The following TRIM25 variants were observed in gnomAD, a reference collection of about 807,000 sequenced individuals.
TRIM25 encodes E3 ubiquitin/ISG15 ligase TRIM25.
A neutral mutation model predicts 65.2 loss-of-function variants in TRIM25; 45 were observed. That is an observed-to-expected ratio of 0.69 (90% CI 0.54 to 0.89). The LOEUF (loss-of-function observed/expected upper bound fraction) is 0.89. Ranked by LOEUF, TRIM25 falls within the 40% of genes least tolerant of loss-of-function variation. The probability of loss-of-function intolerance (pLI) is 0.00; values close to 1 mark genes in which losing one functional copy is unlikely to be tolerated. For missense variants in TRIM25, 714 were observed against 803.7 expected, an observed-to-expected ratio of 0.89 and a Z score of 1.35; for synonymous variants, 321 against 340.4, an observed-to-expected ratio of 0.94 and a Z score of 0.63.
rs150493607 is a variant in TRIM25, at chr17:56,891,955, G to A, written c.1638C>T (p.Ser546=). ...QGPESRLGRN[S]ASWCVEWFNT... ...TGAACCACTCCACGCACCAGGAGGC[G>A]CTGTTGCGGCCGAGCCTGCTTTCTG... Residue 546 remains serine, a synonymous_variant, in exon 9 of 9, where the codon AGC becomes AGT. Coordinates refer to ENST00000316881, the MANE Select transcript of TRIM25 (RefSeq NM_005082.5). 88 of 1,614,202 alleles carry A rather than the reference G, an allele frequency of 5.5e-5. No homozygotes were observed. In the African/African-American group the frequency reaches 9.5e-4, roughly 17 times the overall value.
In TRIM25 at chr17:56,888,775, G is replaced by C. The variant is rs867117253; in HGVS notation, c.*2925C>G. ...GCAGGACTAAGTGTGCTGGCTATAG[G>C]TCTGCAGAAATCTCAACCCTTGGGA... On this transcript the variant is annotated 3_prime_UTR_variant, in exon 9 of 9. Transcript: ENST00000316881. 2 of 152,188 alleles carry C rather than the reference G, an allele frequency of 1.3e-5. No homozygotes were observed. The highest frequency in any genetic ancestry group is 2.9e-5 in the Non-Finnish European group (2 of 68,084). The allele number at this position is 152,188 out of a possible 1,614,324, so 9.4% of individuals were successfully genotyped here.
intron 1 of TRIM25, among the ~76,000 whole-genome samples, chr17:56,910,773 C>T (rs577095218): frequency 5.2e-4 from 79 of 152,184 alleles, no homozygotes; most frequent in Non-Finnish European, 9.7e-4. Flanking sequence ...ATGGGAGGCA[C>T]CAGAGTCTCA....
chr17:56,899,951 C>T (rs1034040161), intron 4 of TRIM25, among the ~76,000 whole-genome samples: 32 of 152,156 alleles, frequency 2.1e-4, no homozygotes, highest in Non-Finnish European at 3.4e-4. Flanking sequence ...CGGTGGCTCA[C>T]GCCTGTAATC....
chr17:56,905,675 C>T lies in TRIM25; in HGVS notation c.694-1187G>A, dbSNP rs180963845. 2.2e-3 allele frequency among the ~76,000 whole-genome samples: 330 copies of T among 152,250 alleles called. 1 individual carries two copies. Among genetic ancestry groups the T allele is most frequent in the African/African-American group, 7.7e-3 (318 of 41,554 alleles). On this transcript the variant is annotated intron_variant, in intron 2 of 8. Coordinates refer to ENST00000316881, the MANE Select transcript of TRIM25 (RefSeq NM_005082.5). ...TAAACTATAATATTAAAATTAATCTCAGTCAAGTGCAGTGATTCATGCTCA... is the reference window on the plus strand; with the variant it reads ...TAAACTATAATATTAAAATTAATCTTAGTCAAGTGCAGTGATTCATGCTCA...
intron 1 of TRIM25, among the ~76,000 whole-genome samples, chr17:56,911,130 G>A (rs1207823997): frequency 6.6e-6 from 1 of 152,092 alleles, no homozygotes; most frequent in Non-Finnish European, 1.5e-5. Flanking sequence ...TTAGCTGGGT[G>A]TGGTGGTGCG....
rs142722371 is a variant in TRIM25, at chr17:56,889,329, T to G, written c.*2371A>C. 4.4e-3 allele frequency: 681 copies of G among 155,632 alleles called. 22 individuals are homozygous for G. The highest frequency in any genetic ancestry group is 0.027 in the East Asian group (145 of 5,382). 9.6% of individuals were successfully genotyped at this position (155,632 alleles called of 1,614,324 possible). ...TGTATCAGAGTGTTCCCCTCACACATGCTAGCAGGCATCTCCCCACTAATG... is the reference window on the plus strand; with the variant it reads ...TGTATCAGAGTGTTCCCCTCACACAGGCTAGCAGGCATCTCCCCACTAATG... On this transcript the variant is annotated 3_prime_UTR_variant, in exon 9 of 9. Coordinates refer to ENST00000316881, the MANE Select transcript of TRIM25 (RefSeq NM_005082.5).
In TRIM25 at chr17:56,892,169, C is replaced by G. The variant is rs758588699; in HGVS notation, c.1424G>C (p.Cys475Ser). 1.2e-6 allele frequency: 2 copies of G among 1,613,072 alleles called. No individual in the cohort carries two copies. Among genetic ancestry groups the G allele is most frequent in the East Asian group, 4.5e-5 (2 of 44,856 alleles). Residue 475 changes from cysteine (C) to serine (S), a missense_variant, in exon 9 of 9, where the codon TGC becomes TCC. Physicochemically the swap from Cys to Ser is moderately radical, Grantham distance 112 (BLOSUM62 -1). Transcript: ENST00000316881. ...TAHNKVALSE[C>S]YTVASVAEMP... Reference sequence around the variant, plus strand: ...CTCAGCCACAGAAGCTACTGTATAGCACTCTGACAGAGCCACTTTGTTGTG... The same window carrying G: ...CTCAGCCACAGAAGCTACTGTATAGGACTCTGACAGAGCCACTTTGTTGTG...
chr17:56,908,408 C>G (rs1016485384), intron 2 of TRIM25, 60 bp downstream of exon 2: 4 of 1,529,806 alleles, frequency 2.6e-6, no homozygotes, highest in African/African-American at 1.4e-5. Context: ...ACGCCCATCC[C>G]GCGTGGAAGC....
intron 4 of TRIM25, among the ~76,000 whole-genome samples, chr17:56,900,210 T>G (rs1909381561): frequency 7.1e-6 from 1 of 140,700 alleles, no homozygotes; most frequent in Non-Finnish European, 1.5e-5. Context: ...CGAGACTCCG[T>G]CTCAAAAAAA....
At chr17:56,911,578 C>CAAAA (rs34726749) in intron 1 of TRIM25, among the ~76,000 whole-genome samples, 1 of 137,062 alleles carries the variant, frequency 7.3e-6, no homozygotes, top group Non-Finnish European at 1.5e-5. Context: ...GACTCCAACT[C>CAAAA]AAAAAAAAAA....
intron 8 of TRIM25, 141 bp from the exon 9 acceptor site, chr17:56,892,370 TATCCATCTGTCTGTCTATTC>T: frequency 2.3e-6 from 2 of 864,502 alleles, no homozygotes; most frequent in South Asian, 3.5e-5. Context: ...TCCACTCATC[TATCCATCTGTCTGTCTATTC>T]ATCCATCTAT....
Position 56,891,516 on chromosome 17 carries a change from C to T in TRIM25, c.*184G>A. 1.3e-6 allele frequency: 1 copy of T among 790,330 alleles called. No homozygotes were observed. The highest frequency in any genetic ancestry group is 1.9e-5 in the South Asian group (1 of 53,124). The allele number at this position is 790,330 out of a possible 1,614,324, so 49.0% of individuals were successfully genotyped here. ...GGGGGTGGAAACGCCTCCTCGCCCA[C>T]AACACAATCACTCTCACCCCTTTCC... On this transcript the variant is annotated 3_prime_UTR_variant, in exon 9 of 9. Coordinates refer to ENST00000316881, the MANE Select transcript of TRIM25 (RefSeq NM_005082.5).
intron 8 of TRIM25, among the ~76,000 whole-genome samples, chr17:56,892,986 A>G (rs545719895): frequency 3.6e-4 from 55 of 152,254 alleles, no homozygotes; most frequent in Non-Finnish European, 7.2e-4. Context: ...AATTGGAGCC[A>G]AGTAACAGAA....
chr17:56,896,972 G>C (rs1909307069), intron 5 of TRIM25, among the ~76,000 whole-genome samples: 1 of 152,020 alleles, frequency 6.6e-6, no homozygotes, highest in South Asian at 2.1e-4. Flanking sequence ...AATTAGCCTG[G>C]CTTAGTGGCA....
intron 2 of TRIM25, among the ~76,000 whole-genome samples, chr17:56,905,942 G>A (rs1258673147): frequency 6.6e-6 from 1 of 152,198 alleles, no homozygotes; most frequent in Non-Finnish European, 1.5e-5. Context: ...CAGCCTGGGT[G>A]ATAGAGTGAG....
rs137888736 is a variant in TRIM25 at position 56,891,967 on chromosome 17, G to C, written c.1626C>G (p.Leu542=). 6 of 1,614,072 alleles carry C rather than the reference G, an allele frequency of 3.7e-6. No individual in the cohort carries two copies. The Admixed American group carries it at 8.3e-5, about 22-fold the overall frequency. The part of the protein sequence containing the change: ...SMNRQGPESR[L]GRNSASWCVE... ...CGCACCAGGAGGCGCTGTTGCGGCC[G>C]AGCCTGCTTTCTGGGCCCTGCCGGT... The change falls in exon 9 of 9, where the codon CTC becomes CTG. Residue 542 remains leucine (L), a synonymous_variant. Transcript: ENST00000316881.
chr17:56,901,211 C>T (rs2144355852), intron 4 of TRIM25, among the ~76,000 whole-genome samples: 1 of 152,254 alleles, frequency 6.6e-6, no homozygotes. Flanking sequence ...ACATCAAGTC[C>T]CCAAAAATGC....
Position 56,895,446 on chromosome 17 carries a change from G to A in TRIM25, c.1265-5C>T. On this transcript the variant is annotated splice_polypyrimidine_tract_variant and splice_region_variant and intron_variant, in intron 7 of 8. Transcript: ENST00000316881. Reference sequence around the variant, plus strand: ...AGCTGGTGGCTTTGGCTGCAGCTGGGAGAGGAAACAGAGAGTGATTTGCAG... The same window carrying A: ...AGCTGGTGGCTTTGGCTGCAGCTGGAAGAGGAAACAGAGAGTGATTTGCAG... The A allele has an allele frequency of 3.1e-6, 5 of 1,614,132 alleles. No homozygotes were observed. The highest frequency in any genetic ancestry group is 2.5e-6 in the Non-Finnish European group (3 of 1,180,002).
In TRIM25 at chr17:56,889,221, C is replaced by A. The variant is rs932595656; in HGVS notation, c.*2479G>T. On this transcript the variant is annotated 3_prime_UTR_variant, in exon 9 of 9. Transcript: ENST00000316881. ...TCCTAACCTTTTATTTATCATGCCA[C>A]ACGGACTGAGACAGTCCCCAGTACC... The A allele has an allele frequency of 1.3e-5, 2 of 152,240 alleles. No homozygotes were observed. The highest frequency in any genetic ancestry group is 1.3e-4 in the Admixed American group (2 of 15,286). 9.4% of individuals were successfully genotyped at this position (152,240 alleles called of 1,614,324 possible). A position where few individuals can be genotyped will look rare whatever the true frequency, so the allele number is the denominator to read the frequency against.
Sources: gnomAD v4.1 joint callset for allele counts (sites outside exome capture counted in the v4.1 genomes callset) on GRCh38, gnomAD v4.1.1 for gene constraint, MANE v1.5 for transcripts, NCBI Gene and HGNC (gene_info 2026-07-23, HGNC 2026-07-21) for gene names.